The following CANX variants were observed in gnomAD, a reference collection of about 807,000 sequenced individuals.
CANX encodes calnexin.
A neutral mutation model predicts 75.7 loss-of-function variants in CANX; 14 were observed. The observed-to-expected ratio is 0.19, with a 90% CI of 0.12 to 0.29. The LOEUF (loss-of-function observed/expected upper bound fraction) is 0.29, where lower values mean the gene tolerates loss of function less well. Among genes scored for constraint, CANX ranks in the 10% least tolerant of loss-of-function variants. The pLI is 1.00. For missense variants in CANX, 567 were observed against 713.2 expected (o/e 0.79, Z 2.34); for synonymous variants, 227 against 236.9 (o/e 0.96, Z 0.38).
At chr5:179,679,029 G>A in intron 1 of CANX, 2 of 1,534,826 alleles carry the variant, frequency 1.3e-6, no homozygotes, top group Non-Finnish European at 1.7e-6. Flanking sequence ...ATGCGGCGCA[G>A]TGGCGGCCGC....
chr5:179,688,590 C>T (rs1776236856), intron 1 of CANX, among the ~76,000 whole-genome samples: 2 of 151,136 alleles, frequency 1.3e-5, no homozygotes, highest in African/African-American at 4.9e-5. Flanking sequence ...GTCTCGATCT[C>T]CTGACCTTGT....
chr5:179,713,351 C>T (rs963609199), intron 7 of CANX, among the ~76,000 whole-genome samples: 5 of 152,122 alleles, frequency 3.3e-5, no homozygotes, highest in African/African-American at 9.7e-5. Flanking sequence ...GGATTACAGG[C>T]GTGAGCCACT....
intron 4 of CANX, among the ~76,000 whole-genome samples, chr5:179,707,777 A>G (rs1215852146): frequency 6.6e-6 from 1 of 151,960 alleles, no homozygotes; most frequent in Non-Finnish European, 1.5e-5. Context: ...ATAATACACT[A>G]CAGTTTTAAA....
At chr5:179,725,117 G>C (rs992066857) in intron 13 of CANX, among the ~76,000 whole-genome samples, 1 of 152,166 alleles carries the variant, frequency 6.6e-6, no homozygotes, top group Non-Finnish European at 1.5e-5. Flanking sequence ...TGACCTTATA[G>C]GTTCAAGTGA....
upstream of CANX, among the ~76,000 whole-genome samples, chr5:179,696,267 CTTTTTTTTTTTTT>C (rs34048949): frequency 1.8e-4 from 10 of 56,738 alleles, no homozygotes; most frequent in South Asian, 2.0e-3. Context: ...AGTGTCATTT[CTTTTTTTTTTTTT>C]TTTTTTTTTT....
chr5:179,698,489 C>T (rs781610643), upstream of CANX: 2 of 1,289,356 alleles, frequency 1.6e-6, no homozygotes, highest in South Asian at 2.5e-5. Context: ...TTCGCTGCAA[C>T]GGGCCCTTCC....
At chr5:179,687,826 G>C (rs564525653) in intron 1 of CANX, among the ~76,000 whole-genome samples, 1 of 152,064 alleles carries the variant, frequency 6.6e-6, no homozygotes, top group South Asian at 2.1e-4. Flanking sequence ...TTGAGGGCAG[G>C]AGTTTGAGAT....
rs373270847 is a variant in CANX, at chr5:179,723,016, T to C, written c.1395T>C (p.Ala465=). ...WGLKKAADGA[A]EPGVVGQMIE... ...TGAAGAAAGCTGCTGATGGGGCTGC[T>C]GAGGTTCGTGTTTGCTGCTTGTGCA... is the stretch of plus-strand genomic sequence containing the variant. The change falls in exon 11 of 15, where the codon GCT becomes GCC. Residue 465 remains alanine (A), a synonymous_variant. Coordinates refer to ENST00000247461, the MANE Select transcript of CANX (RefSeq NM_001746.4). 2.5e-6 allele frequency: 4 copies of C among 1,613,126 alleles called. No homozygotes were observed. In the African/African-American group the frequency reaches 4.0e-5, roughly 16 times the overall value.
At chr5:179,688,819 T>C (rs1776241961) in intron 1 of CANX, among the ~76,000 whole-genome samples, 1 of 147,254 alleles carries the variant, frequency 6.8e-6, no homozygotes, top group Non-Finnish European at 1.5e-5. Context: ...CTACTAAAAA[T>C]ACGAAAATTA....
intron 5 of CANX, among the ~76,000 whole-genome samples, chr5:179,708,583 C>T (rs1263696058): frequency 6.6e-6 from 1 of 152,120 alleles, no homozygotes; most frequent in Admixed American, 6.6e-5. Context: ...ATTTTCCTGA[C>T]TCTAAATAAC....
chr5:179,683,923 T>G (rs1017348893), intron 1 of CANX, among the ~76,000 whole-genome samples: 1 of 152,218 alleles, frequency 6.6e-6, no homozygotes, highest in African/African-American at 2.4e-5. Flanking sequence ...AGTTCATTGC[T>G]TTTTATTGCT....
chr5:179,698,670 T>C (rs182659808), upstream of CANX: 4,176 of 1,119,706 alleles, frequency 3.7e-3, 6 homozygotes, highest in Non-Finnish European at 4.7e-3. Context: ...CGGGAACGCC[T>C]GTTAAACCAG....
At chr5:179,715,730 G>C (rs72809769) in intron 7 of CANX, among the ~76,000 whole-genome samples, 3,562 of 152,090 alleles carry the variant, frequency 0.023, 75 homozygotes, top group Non-Finnish European at 0.036. Context: ...TTTTGTACTG[G>C]GAAGTAGTTG....
intron 8 of CANX, among the ~76,000 whole-genome samples, chr5:179,716,728 C>T (rs2113220784): frequency 6.6e-6 from 1 of 152,182 alleles, no homozygotes; most frequent in East Asian, 1.9e-4. Flanking sequence ...ACACCACCAT[C>T]TGCCTACACA....
chr5:179,685,640 T>C (rs1776178172), intron 1 of CANX, among the ~76,000 whole-genome samples: 1 of 144,968 alleles, frequency 6.9e-6, no homozygotes, highest in South Asian at 2.3e-4. Context: ...CTGAAACCTC[T>C]GCCTGCTGGG....
chr5:179,709,762 G>A (rs1441765584), intron 6 of CANX, 111 bp from the exon 7 acceptor site: 4 of 655,468 alleles, frequency 6.1e-6, no homozygotes, highest in African/African-American at 3.7e-5. Flanking sequence ...TCCTTTAACT[G>A]TCACTAATAT....
At chr5:179,714,608 C>G (rs1214880993) in intron 7 of CANX, among the ~76,000 whole-genome samples, 1 of 151,974 alleles carries the variant, frequency 6.6e-6, no homozygotes, top group Non-Finnish European at 1.5e-5. Context: ...AACTCCGCCT[C>G]CCGGGTTCAC....
chr5:179,726,386 C>T (rs978910213), intron 13 of CANX, among the ~76,000 whole-genome samples: 1 of 152,002 alleles, frequency 6.6e-6, no homozygotes, highest in Non-Finnish European at 1.5e-5. Context: ...ACCATCCTGG[C>T]TAACACGGTG....
In CANX at chr5:179,708,905, A is replaced by C. The variant is rs1289313567; in HGVS notation, c.447-73A>C. The stretch of plus-strand genomic sequence containing the variant: ...ATAAAACGTGACTAAGATGAGGGAG[A>C]GAGGAAATACATTAAGAGAGTTTCG... On this transcript the variant is annotated intron_variant, in intron 5 of 14. Coordinates refer to ENST00000247461, the MANE Select transcript of CANX (RefSeq NM_001746.4). 14 of 776,706 alleles carry C rather than the reference A, an allele frequency of 1.8e-5. No homozygotes were observed. The Admixed American group carries it at 2.6e-4, about 14-fold the overall frequency. The allele number at this position is 776,706 out of a possible 1,614,324, so 48.1% of individuals were successfully genotyped here.
Sources: gnomAD v4.1 joint callset for allele counts (sites outside exome capture counted in the v4.1 genomes callset) on GRCh38, gnomAD v4.1.1 for gene constraint, MANE v1.5 for transcripts, NCBI Gene and HGNC (gene_info 2026-07-23, HGNC 2026-07-21) for gene names.